The following PIAS2 variants were observed in gnomAD, a reference collection of about 807,000 sequenced individuals.
PIAS2 encodes E3 SUMO-protein ligase PIAS2.
A neutral mutation model predicts 69.7 loss-of-function variants in PIAS2; 19 were observed. The observed-to-expected ratio is 0.27, with a 90% CI of 0.19 to 0.40. The LOEUF (loss-of-function observed/expected upper bound fraction) is 0.40. PIAS2 is among the 10% of genes least tolerant of loss of function. PIAS2 has a pLI of 1.00. For missense variants in PIAS2, 624 were observed against 757.0 expected, an observed-to-expected ratio of 0.82 and a Z score of 2.06; for synonymous variants, 261 against 263.2, an observed-to-expected ratio of 0.99 and a Z score of 0.08.
intron 1 of PIAS2, chr18:46,904,126 G>A (rs2056265183): frequency 6.6e-6 from 1 of 152,168 alleles, no homozygotes; most frequent in South Asian, 2.1e-4. Context: ...TCCTTGTGGT[G>A]ATAAAATGGT....
At chr18:46,817,665 G>T in intron 12 of PIAS2, 1 of 963,066 alleles carries the variant, frequency 1.0e-6, no homozygotes, top group Non-Finnish European at 1.2e-6. Context: ...AATATTGGTT[G>T]GAATTCTAGA....
chr18:46,847,450 C>T (rs1436055786), intron 5 of PIAS2, among the ~76,000 whole-genome samples: 4 of 151,142 alleles, frequency 2.6e-5, no homozygotes, highest in Non-Finnish European at 1.5e-5. Context: ...GCTATTTATG[C>T]TTTAATCTAC....
intron 1 of PIAS2, among the ~76,000 whole-genome samples, chr18:46,899,444 T>C (rs760842673): frequency 1.3e-5 from 2 of 152,214 alleles, no homozygotes; most frequent in Non-Finnish European, 2.9e-5. Context: ...AGCTCACCAC[T>C]GCCGAACCAG....
At chr18:46,820,642 A>T (rs1490576014) in intron 12 of PIAS2, among the ~76,000 whole-genome samples, 1 of 151,928 alleles carries the variant, frequency 6.6e-6, no homozygotes, top group African/African-American at 2.4e-5. Context: ...AGGTTCTATA[A>T]TAAAGAAACC....
At chr18:46,916,412 A>AT (rs1185600734) in intron 1 of PIAS2, among the ~76,000 whole-genome samples, 1 of 152,006 alleles carries the variant, frequency 6.6e-6, no homozygotes, top group Non-Finnish European at 1.5e-5. Flanking sequence ...TTAAAAAAAA[A>AT]AAAAATCAGG....
At chr18:46,917,120 C>G in intron 1 of PIAS2, 1 of 994,926 alleles carries the variant, frequency 1.0e-6, no homozygotes, top group Non-Finnish European at 1.2e-6. Context: ...CCCAGGCCCG[C>G]CGCCCCCGCG....
chr18:46,844,815 C>T lies in PIAS2; in HGVS notation c.886G>A (p.Val296Ile). ...AACATGGCTGATGTAAGCTGCCGTA[C>T]AAGATATACAGACATAGAGTAATTC... The part of the protein sequence containing the change: ...GKNYSMSVYL[V>I]RQLTSAMLLQ... The change falls in exon 7 of 14, where the codon GTA becomes ATA. Residue 296 changes from valine to isoleucine, a missense_variant. Val to Ile is a conservative substitution (Grantham distance 29, BLOSUM62 3). This residue lies in a region of PIAS2 where 339 missense variants were observed against 408.8 expected (regional missense o/e 0.83). Coordinates refer to ENST00000585916, the MANE Select transcript of PIAS2 (RefSeq NM_004671.5). 6.9e-7 allele frequency: 1 copy of T among 1,457,418 alleles called. No individual in the cohort carries two copies. Among genetic ancestry groups the T allele is most frequent in the Non-Finnish European group, 9.1e-7 (1 of 1,098,798 alleles). 90.3% of individuals were successfully genotyped at this position (1,457,418 alleles called of 1,614,324 possible). A position where few individuals can be genotyped will look rare whatever the true frequency, so the allele number is the denominator to read the frequency against.
rs186885228 is a variant in PIAS2, at chr18:46,905,361, C to T, written c.24+11961G>A. ...CACACATCAAAACAAGGAGGCAATA[C>T]GCAGACATTTTATGATCTTAAATAA... On this transcript the variant is annotated intron_variant, in intron 1 of 13. Coordinates refer to ENST00000585916, the MANE Select transcript of PIAS2 (RefSeq NM_004671.5). Among the ~76,000 whole-genome samples the T allele has an allele frequency of 1.5e-3, 232 of 151,990 alleles. 1 individual carries two copies. The highest frequency in any genetic ancestry group is 5.2e-3 in the African/African-American group (214 of 41,464).
At chr18:46,822,463 C>T (rs1005254027) in intron 11 of PIAS2, among the ~76,000 whole-genome samples, 2 of 152,054 alleles carry the variant, frequency 1.3e-5, no homozygotes, top group African/African-American at 4.8e-5. Context: ...AAAAATCAAC[C>T]ACATGTCTGT....
At position 46,810,036 on chromosome 18, in the gene PIAS2, C is replaced by G. The variant is rs1270304168; in HGVS notation, c.*2397G>C. ...AGTCATAAAGTACTAATGCTCAAGA[C>G]AGATAAACAACGTAAGCCCCAATTT... is the stretch of plus-strand genomic sequence containing the variant. On this transcript the variant is annotated 3_prime_UTR_variant, in exon 14 of 14. Transcript: ENST00000585916. 6 of 152,056 alleles carry G rather than the reference C, an allele frequency of 3.9e-5. No homozygotes were observed. Among genetic ancestry groups the G allele is most frequent in the East Asian group, 1.9e-4 (1 of 5,198 alleles). 9.4% of individuals were successfully genotyped at this position (152,056 alleles called of 1,614,324 possible).
chr18:46,837,943 G>T (rs1320506813), intron 8 of PIAS2, among the ~76,000 whole-genome samples: 1 of 152,180 alleles, frequency 6.6e-6, no homozygotes, highest in African/African-American at 2.4e-5. Context: ...CTCAGTATTT[G>T]TTGACCAGAT....
At chr18:46,825,434 T>C (rs1466787367) in intron 11 of PIAS2, among the ~76,000 whole-genome samples, 1 of 152,206 alleles carries the variant, frequency 6.6e-6, no homozygotes, top group Non-Finnish European at 1.5e-5. Context: ...AGAACAAACT[T>C]AATCCAGCTA....
intron 5 of PIAS2, among the ~76,000 whole-genome samples, chr18:46,854,959 T>C (rs1010198411): frequency 2.0e-5 from 3 of 152,080 alleles, no homozygotes; most frequent in African/African-American, 7.2e-5. Context: ...CATCCTTGAT[T>C]TCTTAAGTAA....
At chr18:46,886,924 T>G (rs2053303386) in intron 2 of PIAS2, among the ~76,000 whole-genome samples, 1 of 152,146 alleles carries the variant, frequency 6.6e-6, no homozygotes, top group African/African-American at 2.4e-5. Context: ...TTAAGCAAGA[T>G]ACAAGTTTTC....
chr18:46,869,701 AAAC>A (rs1402579532), intron 2 of PIAS2, among the ~76,000 whole-genome samples: 2 of 152,290 alleles, frequency 1.3e-5, no homozygotes, highest in South Asian at 2.1e-4. Flanking sequence ...ACATAATAAA[AAAC>A]AACAAATGAC....
At chr18:46,888,993 A>G (rs1239456143) in intron 2 of PIAS2, among the ~76,000 whole-genome samples, 1 of 152,226 alleles carries the variant, frequency 6.6e-6, no homozygotes, top group Admixed American at 6.5e-5. Flanking sequence ...GGGAAAGGAC[A>G]GGCTTTTCAA....
chr18:46,906,771 T>TG (rs1308249438), intron 1 of PIAS2, among the ~76,000 whole-genome samples: 35 of 96,368 alleles, frequency 3.6e-4, no homozygotes, highest in African/African-American at 1.4e-3. Flanking sequence ...TATGTGTGTG[T>TG]GTGGGGGGGG....
chr18:46,898,968 C>G (rs1357588735), intron 1 of PIAS2, among the ~76,000 whole-genome samples: 3 of 149,792 alleles, frequency 2.0e-5, no homozygotes, highest in Non-Finnish European at 4.4e-5. Flanking sequence ...GCTCTCCAGC[C>G]TGGGTGACAG....
chr18:46,853,188 A>G (rs150484159), intron 5 of PIAS2: 1 of 152,130 alleles, frequency 6.6e-6, no homozygotes, highest in East Asian at 1.9e-4. Flanking sequence ...GAGATGGGAG[A>G]ATCGCTTGAG....
Sources: gnomAD v4.1 joint callset for allele counts (sites outside exome capture counted in the v4.1 genomes callset) on GRCh38, gnomAD v4.1.1 for gene constraint, gnomAD v4.1.1 regional missense constraint, MANE v1.5 for transcripts, NCBI Gene and HGNC (gene_info 2026-07-23, HGNC 2026-07-21) for gene names.